ACSM2A: variants seen among roughly 807,000 people sequenced by gnomAD.
The protein encoded by ACSM2A is acyl-coenzyme A synthetase ACSM2A, mitochondrial.
ACSM2A carries 72 observed loss-of-function variants against 76.6 expected under a neutral mutation model. The ratio of observed to expected loss-of-function variants is 0.94; its 90% CI spans 0.78 to 1.14. The LOEUF is 1.14. Among genes scored for constraint, ACSM2A ranks in the 50% most tolerant of loss-of-function variants. The pLI, the probability that ACSM2A is intolerant of heterozygous loss-of-function variation, is 0.00. For synonymous variants in ACSM2A, 249 were observed against 255.9 expected (o/e 0.97, Z 0.26); for missense variants, 684 against 708.5 (o/e 0.97, Z 0.39).
chr16:20,475,374 T>C lies in ACSM2A; in HGVS notation c.907T>C (p.Tyr303His), dbSNP rs1483540039. Residue 303 changes from tyrosine to histidine, a missense_variant, in exon 7 of 14, where the codon TAT (tyrosine) becomes CAT (histidine). By Grantham distance (83) the Tyr-to-His change is moderately conservative (BLOSUM62 2). Transcript: ENST00000573854. ...TCTTGTCTTCCAGACACTCTCCAGTTATCCAATCAAGAGTATGATGGGTGC... is the reference window on the plus strand; with the variant it reads ...TCTTGTCTTCCAGACACTCTCCAGTCATCCAATCAAGAGTATGATGGGTGC... Reference protein sequence around the residue: ...PLVILKTLSSYPIKSMMGAPI... With the variant: ...PLVILKTLSSHPIKSMMGAPI... 1.5e-5 allele frequency: 24 copies of C among 1,613,766 alleles called. No homozygotes were observed. Among genetic ancestry groups the C allele is most frequent in the Non-Finnish European group, 1.8e-5 (21 of 1,179,710 alleles).
intron 1 of ACSM2A, among the ~76,000 whole-genome samples, chr16:20,459,825 A>C (rs977055409): frequency 4.6e-5 from 7 of 152,178 alleles, no homozygotes; most frequent in Non-Finnish European, 4.4e-5. Flanking sequence ...CTGTATTTTA[A>C]GCACAAGGGG....
chr16:20,473,468 A>T (rs1327762740), intron 6 of ACSM2A, among the ~76,000 whole-genome samples: 5 of 152,328 alleles, frequency 3.3e-5, no homozygotes, highest in Middle Eastern at 3.4e-3. Context: ...CTGAGCTTCT[A>T]GTAAGGCAAA....
intron 12 of ACSM2A, chr16:20,481,174 A>T (rs547845899): frequency 2.0e-6 from 1 of 502,620 alleles, no homozygotes; most frequent in Non-Finnish European, 3.5e-6. Context: ...GGTGATTTCT[A>T]AAAAAACTAA....
At chr16:20,465,029 A>G (rs2012891418) in intron 2 of ACSM2A, among the ~76,000 whole-genome samples, 1 of 152,186 alleles carries the variant, frequency 6.6e-6, no homozygotes, top group Non-Finnish European at 1.5e-5. Flanking sequence ...TTTTTATTCT[A>G]ATTCTTTCAC....
In ACSM2A at chr16:20,451,576, G is replaced by A. The variant is rs1445632122; in HGVS notation, c.-114G>A. ...GCAGGGATTCTGAAGCTGTCTGCTT[G>A]AGTTACTGTGCTCTCTTCCAAGGCT... On this transcript the variant is annotated 5_prime_UTR_variant, in exon 1 of 14. Coordinates refer to ENST00000573854, the MANE Select transcript of ACSM2A (RefSeq NM_001308172.2). The A allele has an allele frequency of 6.6e-6, 1 of 152,004 alleles. No individual in the cohort carries two copies. The highest frequency in any genetic ancestry group is 1.5e-5 in the Non-Finnish European group (1 of 68,024). The allele number at this position is 152,004 out of a possible 1,614,324, so 9.4% of individuals were successfully genotyped here. A position where few individuals can be genotyped will look rare whatever the true frequency, so the allele number is the denominator to read the frequency against.
At chr16:20,459,776 G>T (rs1248317947) in intron 1 of ACSM2A, among the ~76,000 whole-genome samples, 1 of 152,166 alleles carries the variant, frequency 6.6e-6, no homozygotes, top group Non-Finnish European at 1.5e-5. Context: ...AATGGAAAGG[G>T]AGTGAATTGC....
chr16:20,464,876 A>G (rs552161123), intron 2 of ACSM2A, among the ~76,000 whole-genome samples: 1 of 152,296 alleles, frequency 6.6e-6, no homozygotes, highest in East Asian at 1.9e-4. Flanking sequence ...TTGTTGCATA[A>G]CAATGAGAAT....
In ACSM2A at chr16:20,475,876, G is replaced by A. The variant is rs1432872321; in HGVS notation, c.1098+103G>A. ...GCCACCATGTATCATTCATCTATTC[G>A]AGAAGTATTTATTGAGCCTCTATGA... On this transcript the variant is annotated intron_variant, in intron 8 of 13. Transcript: ENST00000573854. The A allele has an allele frequency of 7.7e-6, 12 of 1,564,906 alleles. No individual in the cohort carries two copies. In the Middle Eastern group the frequency reaches 6.2e-4, roughly 80 times the overall value.
chr16:20,463,061 A>G (rs543154660), intron 2 of ACSM2A, among the ~76,000 whole-genome samples: 5 of 120,128 alleles, frequency 4.2e-5, no homozygotes, highest in Admixed American at 1.1e-4. Context: ...GAAGGGGAAC[A>G]TCACACACTG....
In ACSM2A at chr16:20,475,585, G is replaced by T. The variant is rs945161901; in HGVS notation, c.975-65G>T. ...CATCATCAAAGCACCCAGAAACCCA[G>T]TCTAGGCCTGAGTGGACTTTGGTTC... is the stretch of plus-strand genomic sequence containing the variant. On this transcript the variant is annotated intron_variant, in intron 7 of 13. Transcript: ENST00000573854. 5.0e-6 allele frequency: 8 copies of T among 1,611,356 alleles called. No homozygotes were observed. In the Admixed American group the frequency reaches 1.0e-4, roughly 20 times the overall value.
chr16:20,458,945 T>TAA (rs1368212320), intron 1 of ACSM2A, among the ~76,000 whole-genome samples: 4 of 142,380 alleles, frequency 2.8e-5, no homozygotes, highest in African/African-American at 1.0e-4. Context: ...TATATATATA[T>TAA]AATGAAATAC....
chr16:20,487,605 T>C lies in ACSM2A; in HGVS notation c.*927T>C, dbSNP rs750749677. ...CACTGCCAAAGTTATCAGCTACCCA[T>C]ATCTCATGTTTTTGATGTTATCTAC... On this transcript the variant is annotated 3_prime_UTR_variant, in exon 14 of 14. Coordinates refer to ENST00000573854, the MANE Select transcript of ACSM2A (RefSeq NM_001308172.2). The C allele has an allele frequency of 6.6e-6, 1 of 152,232 alleles. No individual in the cohort carries two copies. The highest frequency in any genetic ancestry group is 1.5e-5 in the Non-Finnish European group (1 of 68,042). 9.4% of individuals were successfully genotyped at this position (152,232 alleles called of 1,614,324 possible).
At chr16:20,463,877 G>T (rs1267455101) in intron 2 of ACSM2A, among the ~76,000 whole-genome samples, 6 of 152,100 alleles carry the variant, frequency 3.9e-5, no homozygotes, top group African/African-American at 1.4e-4. Flanking sequence ...ATATTCCATT[G>T]TTATGTATAT....
At chr16:20,471,823 C>G in intron 6 of ACSM2A, 134 bp downstream of exon 6, 2 of 1,457,022 alleles carry the variant, frequency 1.4e-6, no homozygotes, top group Non-Finnish European at 1.8e-6. Flanking sequence ...GTTCAGTAAA[C>G]GAGATGGAAA....
chr16:20,460,644 T>A (rs2141694262), intron 2 of ACSM2A, among the ~76,000 whole-genome samples: 1 of 149,160 alleles, frequency 6.7e-6, no homozygotes, highest in East Asian at 2.1e-4. Context: ...TAATAGCAAA[T>A]CAAGCCTGGG....
At position 20,486,680 on chromosome 16, in the gene ACSM2A, A is replaced by T; in HGVS notation, c.*2A>T. On this transcript the variant is annotated 3_prime_UTR_variant, in exon 14 of 14. Coordinates refer to ENST00000573854, the MANE Select transcript of ACSM2A (RefSeq NM_001308172.2). ...TCCGGAAAAGCCCGTGCGCAGTGAGACATCTAAGAGACATTCATTTGGATT... is the reference window on the plus strand; with the variant it reads ...TCCGGAAAAGCCCGTGCGCAGTGAGTCATCTAAGAGACATTCATTTGGATT... 1.9e-6 allele frequency: 3 copies of T among 1,614,050 alleles called. No homozygotes were observed. The highest frequency in any genetic ancestry group is 2.5e-6 in the Non-Finnish European group (3 of 1,179,906).
chr16:20,474,134 A>G (rs867072899), intron 6 of ACSM2A: 4 of 415,390 alleles, frequency 9.6e-6, no homozygotes, highest in African/African-American at 4.2e-5. Flanking sequence ...CACCCTGACC[A>G]ATTTGGGCAC....
At position 20,482,757 on chromosome 16, in the gene ACSM2A, A is replaced by G. The variant is rs969744633; in HGVS notation, c.1510-301A>G. The G allele has an allele frequency of 4.3e-5, 10 of 229,974 alleles. No homozygotes were observed. The Admixed American group carries it at 4.4e-4, about 10-fold the overall frequency. 14.2% of individuals were successfully genotyped at this position (229,974 alleles called of 1,614,324 possible). ...CACATTGTTTAGGGTTATGGTTTTC[A>G]GTCTATTTTTCTCTTTTCTCCCCCT... is the stretch of plus-strand genomic sequence containing the variant. On this transcript the variant is annotated intron_variant, in intron 12 of 13. Coordinates refer to ENST00000573854, the MANE Select transcript of ACSM2A (RefSeq NM_001308172.2).
chr16:20,467,299 T>G (rs1306006928), intron 3 of ACSM2A, among the ~76,000 whole-genome samples: 1 of 152,042 alleles, frequency 6.6e-6, no homozygotes. Context: ...GTTGTGGACA[T>G]TTATCCAGTG....
Sources: gnomAD v4.1 joint callset for allele counts (sites outside exome capture counted in the v4.1 genomes callset) on GRCh38, gnomAD v4.1.1 for gene constraint, MANE v1.5 for transcripts, NCBI Gene and HGNC (gene_info 2026-07-23, HGNC 2026-07-21) for gene names.